The following RAD51B variants were observed in gnomAD, a reference collection of about 807,000 sequenced individuals.
RAD51B encodes RAD51 paralog B.
A neutral mutation model predicts 42.2 loss-of-function variants in RAD51B; 38 were observed. That is an observed-to-expected ratio of 0.90 (90% CI 0.70 to 1.18). The LOEUF (loss-of-function observed/expected upper bound fraction) is 1.18, where lower values mean the gene tolerates loss of function less well. Ranked by LOEUF, RAD51B falls within the 50% of genes most tolerant of loss-of-function variation. RAD51B has a pLI of 0.00. For missense variants in RAD51B, 373 were observed against 400.7 expected (o/e 0.93, Z 0.59); for synonymous variants, 154 against 145.2 (o/e 1.06, Z -0.43).
chr14:67,867,121 G>T (rs142384727), intron 5 of RAD51B, among the ~76,000 whole-genome samples: 1 of 152,246 alleles, frequency 6.6e-6, no homozygotes, highest in African/African-American at 2.4e-5. Flanking sequence ...TGCCAGATTT[G>T]GCATTCTTAT....
At chr14:67,893,825 T>C (rs1796879562) in intron 7 of RAD51B, among the ~76,000 whole-genome samples, 1 of 152,180 alleles carries the variant, frequency 6.6e-6, no homozygotes, top group South Asian at 2.1e-4. Flanking sequence ...CTCTTCTATT[T>C]AGTCATCTGG....
intron 11 of RAD51B, among the ~76,000 whole-genome samples, chr14:68,662,905 A>T (rs2140147528): frequency 6.6e-6 from 1 of 151,972 alleles, no homozygotes; most frequent in South Asian, 2.1e-4. Flanking sequence ...CCTCCTCCCC[A>T]CTGCTCTGTA....
At position 68,636,895 on chromosome 14, in the gene RAD51B, C is replaced by A. The variant is rs72729566; in HGVS notation, c.1037-13886C>A. Among the ~76,000 whole-genome samples, 842 of 152,324 alleles carry A rather than the reference C, an allele frequency of 5.5e-3. 4 individuals are homozygous for A. Among genetic ancestry groups the A allele is most frequent in the Non-Finnish European group, 9.4e-3 (639 of 68,034 alleles). On this transcript the variant is annotated intron_variant, in intron 10 of 11. Transcript: ENST00000488612. ...GGAAGGTGGGGAAGTAGATTCCAGG[C>A]CTCTTGGGAGAGCCCTTCGTTGACC... is the stretch of plus-strand genomic sequence containing the variant.
intron 7 of RAD51B, among the ~76,000 whole-genome samples, chr14:68,124,651 C>A (rs1484932351): frequency 2.6e-5 from 4 of 152,002 alleles, no homozygotes; most frequent in African/African-American, 9.7e-5. Flanking sequence ...GAGATATATA[C>A]AGTTGAAAGG....
chr14:67,960,837 T>A lies in RAD51B; in HGVS notation c.756+73633T>A, dbSNP rs563835539. Among the ~76,000 whole-genome samples the A allele has an allele frequency of 2.0e-5, 3 of 152,134 alleles. No individual in the cohort carries two copies. The East Asian group carries it at 5.8e-4, about 29-fold the overall frequency. ...GCACCTGCCTTTATGCCTGGCTAATTTTTTAATTTTTTGTAGAGACAGGGT... is the reference window on the plus strand; with the variant it reads ...GCACCTGCCTTTATGCCTGGCTAATATTTTAATTTTTTGTAGAGACAGGGT... On this transcript the variant is annotated intron_variant, in intron 7 of 10. Coordinates refer to ENST00000471583, the MANE Select transcript of RAD51B (RefSeq NM_133510.4).
At chr14:68,269,317 T>G (rs2081056929) in intron 7 of RAD51B, among the ~76,000 whole-genome samples, 1 of 152,246 alleles carries the variant, frequency 6.6e-6, no homozygotes, top group African/African-American at 2.4e-5. Context: ...AACCCAAGGC[T>G]GGGTGCCAGC....
chr14:68,389,726 AT>A (rs1272050891), intron 8 of RAD51B, among the ~76,000 whole-genome samples: 4 of 152,206 alleles, frequency 2.6e-5, no homozygotes, highest in African/African-American at 4.8e-5. Context: ...GTAGAAAATT[AT>A]TTTTTAAGTA....
intron 10 of RAD51B, among the ~76,000 whole-genome samples, chr14:68,589,469 A>G (rs1037317668): frequency 6.6e-6 from 1 of 152,016 alleles, no homozygotes; most frequent in Non-Finnish European, 1.5e-5. Flanking sequence ...CTATCACATC[A>G]CTGCCCCCAT....
chr14:68,499,747 C>T (rs1007708801), intron 10 of RAD51B, among the ~76,000 whole-genome samples: 1 of 152,112 alleles, frequency 6.6e-6, no homozygotes, highest in Admixed American at 6.5e-5. Context: ...AGTTAAGCAG[C>T]CCCAAGCCAA....
At chr14:67,959,455 G>A (rs1240964894) in intron 7 of RAD51B, among the ~76,000 whole-genome samples, 1 of 151,984 alleles carries the variant, frequency 6.6e-6, no homozygotes, top group African/African-American at 2.4e-5. Flanking sequence ...TACCGTGTTA[G>A]CCAGGATGGT....
intron 7 of RAD51B, among the ~76,000 whole-genome samples, chr14:68,185,742 C>A (rs2079144897): frequency 6.6e-6 from 1 of 152,120 alleles, no homozygotes; most frequent in South Asian, 2.1e-4. Context: ...TCATAAAGAG[C>A]ACACAACCTA....
intron 9 of RAD51B, among the ~76,000 whole-genome samples, chr14:68,460,885 A>C (rs934434633): frequency 6.6e-6 from 1 of 152,192 alleles, no homozygotes; most frequent in Non-Finnish European, 1.5e-5. Context: ...AGAGGGAACC[A>C]GATAAGTCCT....
chr14:68,547,574 A>G (rs1322661618), intron 10 of RAD51B, among the ~76,000 whole-genome samples: 1 of 152,196 alleles, frequency 6.6e-6, no homozygotes, highest in Non-Finnish European at 1.5e-5. Context: ...CCTCCGGGGC[A>G]GGAGACACAG....
chr14:68,478,473 C>T (rs898050483), downstream of RAD51B, among the ~76,000 whole-genome samples: 3 of 152,198 alleles, frequency 2.0e-5, no homozygotes, highest in Non-Finnish European at 2.9e-5. Context: ...AATTGGTGAC[C>T]CGTAGGATAA....
At chr14:67,907,357 T>G (rs1481493407) in intron 7 of RAD51B, among the ~76,000 whole-genome samples, 2 of 152,092 alleles carry the variant, frequency 1.3e-5, no homozygotes, top group African/African-American at 4.8e-5. Context: ...TATGCTTTAG[T>G]TCTCTACTGC....
intron 7 of RAD51B, among the ~76,000 whole-genome samples, chr14:68,215,967 G>A (rs2079806362): frequency 6.6e-6 from 1 of 152,194 alleles, no homozygotes; most frequent in Admixed American, 6.5e-5. Context: ...ACCAGTAAAT[G>A]CAGGTGGTTC....
chr14:68,260,150 C>T (rs1410554966), intron 7 of RAD51B, among the ~76,000 whole-genome samples: 1 of 151,864 alleles, frequency 6.6e-6, no homozygotes, highest in Non-Finnish European at 1.5e-5. Flanking sequence ...TTAGCTGAGA[C>T]CTAAGTCATG....
chr14:68,597,803 TA>T (rs11423187), downstream of RAD51B, among the ~76,000 whole-genome samples: 25 of 143,444 alleles, frequency 1.7e-4, no homozygotes, highest in Admixed American at 2.1e-4. Context: ...AAATACAAGT[TA>T]AAAAAAAAAA....
intron 4 of RAD51B, among the ~76,000 whole-genome samples, chr14:67,851,365 G>A (rs1472943166): frequency 6.6e-6 from 1 of 151,226 alleles, no homozygotes; most frequent in Non-Finnish European, 1.5e-5. Context: ...CACTTAGGCG[G>A]TGGGAGCCCT....
Sources: gnomAD v4.1 joint callset for allele counts (sites outside exome capture counted in the v4.1 genomes callset) on GRCh38, gnomAD v4.1.1 for gene constraint, MANE v1.5 for transcripts, NCBI Gene and HGNC (gene_info 2026-07-23, HGNC 2026-07-21) for gene names.